The following LZTS3 variants were observed in gnomAD, a reference collection of about 807,000 sequenced individuals.
The protein encoded by LZTS3 is leucine zipper putative tumor suppressor 3.
In LZTS3, 16 loss-of-function variants were observed where a neutral mutation model predicts 50.9. The observed-to-expected ratio is 0.31, with a 90% CI of 0.21 to 0.48. LZTS3 has a LOEUF of 0.48. Ranked by LOEUF, LZTS3 falls within the 20% of genes least tolerant of loss-of-function variation. The pLI is 0.99. For missense variants in LZTS3, 816 were observed against 931.0 expected (o/e 0.88, Z 1.61); for synonymous variants, 408 against 410.6 (o/e 0.99, Z 0.08).
intron 2 of LZTS3, 149 bp from the exon 3 acceptor site, chr20:3,167,330 A>G (rs1171893671): frequency 7.2e-7 from 1 of 1,379,502 alleles, no homozygotes; most frequent in Non-Finnish European, 9.4e-7. Flanking sequence ...AGGTGAAGGA[A>G]TAAGGCTGGG....
chr20:3,167,125 TG>T lies in LZTS3; in HGVS notation c.38del (p.Pro13GlnfsTer40). ...KLETLPVRAD[P>X]GRDPLLAFAP... is the part of the protein sequence containing the mutation. ...CAAAGGCCAGGAGAGGATCCCGCCC[TG>T]GGTCAGCGCGCACAGGCAGCGTCTC... On this transcript the variant is annotated frameshift_variant, in exon 3 of 5. Coordinates refer to ENST00000337576, the MANE Select transcript of LZTS3 (RefSeq NM_001365618.1). LOFTEE classifies it high-confidence loss of function. 1 of 1,503,862 alleles carries T rather than the reference TG, an allele frequency of 6.6e-7. No individual in the cohort carries two copies. The allele number at this position is 1,503,862 out of a possible 1,614,324, so 93.2% of individuals were successfully genotyped here.
intron 1 of LZTS3, 98 bp downstream of exon 1, chr20:3,173,357 T>A (rs975055276): frequency 6.6e-6 from 1 of 152,214 alleles, no homozygotes; most frequent in Non-Finnish European, 1.5e-5. Context: ...ACGCGCCCCC[T>A]ACCCAGTCCG....
Position 3,167,126 on chromosome 20 carries a change from G to T in LZTS3, c.38C>A (p.Pro13Gln). ...AAAGGCCAGGAGAGGATCCCGCCCTGGGTCAGCGCGCACAGGCAGCGTCTC... is the reference window on the plus strand; with the variant it reads ...AAAGGCCAGGAGAGGATCCCGCCCTTGGTCAGCGCGCACAGGCAGCGTCTC... ...KLETLPVRAD[P>Q]GRDPLLAFAP... The change falls in exon 3 of 5, where the codon CCA becomes CAA. Residue 13 changes from proline (P) to glutamine (Q), a missense_variant. Physicochemically the swap from Pro to Gln is moderately conservative, Grantham distance 76 (BLOSUM62 -1). Around this residue, in one of 3 missense-constraint regions of LZTS3, gnomAD observed 700 missense variants for 769.4 expected, o/e 0.91. Transcript: ENST00000337576. 1 of 1,502,542 alleles carries T rather than the reference G, an allele frequency of 6.7e-7. No homozygotes were observed. 93.1% of individuals were successfully genotyped at this position (1,502,542 alleles called of 1,614,324 possible). A position where few individuals can be genotyped will look rare whatever the true frequency, so the allele number is the denominator to read the frequency against.
rs1198388427 is a variant in LZTS3 at position 3,164,370 on chromosome 20, G to A, written c.*84C>T. ...TTGGTCTGGGGTTATGGGGTCTATG[G>A]GGAAGAGAGATGGAGGGGAGGGGAC... On this transcript the variant is annotated 3_prime_UTR_variant, in exon 5 of 5. Coordinates refer to ENST00000337576, the MANE Select transcript of LZTS3 (RefSeq NM_001365618.1). 3.8e-5 allele frequency: 54 copies of A among 1,405,214 alleles called. No individual in the cohort carries two copies. Among genetic ancestry groups the A allele is most frequent in the Non-Finnish European group, 5.0e-5 (53 of 1,051,182 alleles). The allele number at this position is 1,405,214 out of a possible 1,614,324, so 87.0% of individuals were successfully genotyped here. A position where few individuals can be genotyped will look rare whatever the true frequency, so the allele number is the denominator to read the frequency against.
chr20:3,171,608 T>C (rs376716699), intron 1 of LZTS3, among the ~76,000 whole-genome samples: 1 of 145,042 alleles, frequency 6.9e-6, no homozygotes, highest in South Asian at 2.1e-4. Flanking sequence ...GAGGTTGCAG[T>C]GATATTGCGC....
chr20:3,164,897 C>T lies in LZTS3; in HGVS notation c.1579G>A (p.Ala527Thr), dbSNP rs1288316361. The change falls in exon 5 of 5, where the codon GCC (alanine) becomes ACC (threonine). Residue 527 changes from alanine (A) to threonine (T), a missense_variant. Physicochemically the swap from Ala to Thr is moderately conservative, Grantham distance 58. This residue lies in a region of LZTS3 where 700 missense variants were observed against 769.4 expected (regional missense o/e 0.91). Coordinates refer to ENST00000337576, the MANE Select transcript of LZTS3 (RefSeq NM_001365618.1). The part of the protein sequence containing the change: ...LKPALTPVDP[A>T]EPQDALATCE... The stretch of plus-strand genomic sequence containing the variant: ...GTGGCCAGAGCATCCTGTGGCTCGG[C>T]CGGGTCCACGGGGGTCAGCGCCGGC... 3.2e-6 allele frequency: 5 copies of T among 1,551,486 alleles called. No individual in the cohort carries two copies. The highest frequency in any genetic ancestry group is 2.6e-6 in the Non-Finnish European group (3 of 1,155,020).
At position 3,165,465 on chromosome 20, in the gene LZTS3, G is replaced by A. The variant is rs920158151; in HGVS notation, c.1323+32C>T. 1.3e-6 allele frequency: 2 copies of A among 1,509,056 alleles called. No homozygotes were observed. The highest frequency in any genetic ancestry group is 2.1e-5 in the Admixed American group (1 of 47,396). 93.5% of individuals were successfully genotyped at this position (1,509,056 alleles called of 1,614,324 possible). Reference sequence around the variant, plus strand: ...GGTTTCCCAGAGGGACAGAAGGGAGGCAGAGGGGAGGCCCAGATCCCCAGC... The same window carrying A: ...GGTTTCCCAGAGGGACAGAAGGGAGACAGAGGGGAGGCCCAGATCCCCAGC... On this transcript the variant is annotated intron_variant, in intron 4 of 4. Transcript: ENST00000337576. The surrounding 1 kb of genome is among the most constrained non-coding windows in gnomAD (Gnocchi z 5.0).
intron 1 of LZTS3, among the ~76,000 whole-genome samples, chr20:3,169,879 TAAA>T (rs34415260): frequency 0.14 from 8,978 of 62,512 alleles, 646 homozygotes; most frequent in Non-Finnish European, 0.19. Context: ...ACTCTTTCCT[TAAA>T]AAAAAAAAAA....
At chr20:3,172,634 C>A (rs967962286) in intron 1 of LZTS3, among the ~76,000 whole-genome samples, 4 of 152,200 alleles carry the variant, frequency 2.6e-5, no homozygotes, top group African/African-American at 7.2e-5. Flanking sequence ...CTGAGGCCTC[C>A]CCAGGGCTGG....
chr20:3,171,683 C>T (rs938511509), intron 1 of LZTS3, among the ~76,000 whole-genome samples: 4 of 149,462 alleles, frequency 2.7e-5, no homozygotes, highest in Non-Finnish European at 5.9e-5. Flanking sequence ...AAAAAAAAAT[C>T]CCAGCAGGAC....
intron 1 of LZTS3, among the ~76,000 whole-genome samples, chr20:3,173,194 G>A (rs2066920345): frequency 1.3e-5 from 2 of 152,150 alleles, no homozygotes; most frequent in South Asian, 2.1e-4. Context: ...CCACCAACGC[G>A]TGTGGCCCCG....
intron 1 of LZTS3, among the ~76,000 whole-genome samples, chr20:3,170,448 C>T (rs1328123236): frequency 7.1e-6 from 1 of 140,558 alleles, no homozygotes; most frequent in African/African-American, 2.7e-5. Context: ...GAGATCATGC[C>T]ACTGCACTCC....
intron 3 of LZTS3, 143 bp from the exon 4 acceptor site, chr20:3,166,503 C>T: frequency 8.2e-7 from 1 of 1,215,978 alleles, no homozygotes; most frequent in Non-Finnish European, 1.1e-6. Context: ...CGGGGTTCTA[C>T]CTCATGGCTC....
At chr20:3,168,049 G>A (rs1372930988) in intron 1 of LZTS3, 88 bp from the exon 2 acceptor site, 2 of 146,120 alleles carry the variant, frequency 1.4e-5, no homozygotes, top group Admixed American at 6.8e-5. Context: ...GGAAACGGGG[G>A]TCTGGGGGAG....
In LZTS3 at chr20:3,164,238, TTCCC is replaced by T; in HGVS notation, c.*212_*215del. ...CCCCACTCACCCTGCCCTCCTCCTA[TTCCC>T]TCCTTTTAGGGGGGTCCAAGTGGGC... is the stretch of plus-strand genomic sequence containing the variant. On this transcript the variant is annotated 3_prime_UTR_variant, in exon 5 of 5. Coordinates refer to ENST00000337576, the MANE Select transcript of LZTS3 (RefSeq NM_001365618.1). The T allele has an allele frequency of 2.1e-6, 1 of 467,496 alleles. No individual in the cohort carries two copies. Among genetic ancestry groups the T allele is most frequent in the East Asian group, 3.5e-5 (1 of 28,224 alleles). The allele number at this position is 467,496 out of a possible 1,614,324, so 29.0% of individuals were successfully genotyped here.
chr20:3,168,228 G>C (rs2122189391), intron 1 of LZTS3: 1 of 152,280 alleles, frequency 6.6e-6, no homozygotes, highest in African/African-American at 2.4e-5. Context: ...CCCCCTTCCC[G>C]GGATCAGTCC....
Position 3,166,311 on chromosome 20 carries a change from T to C in LZTS3, c.509A>G (p.Lys170Arg), listed in dbSNP as rs2066819249. The C allele has an allele frequency of 2.5e-6, 4 of 1,613,870 alleles. No homozygotes were observed. Among genetic ancestry groups the C allele is most frequent in the Admixed American group, 1.7e-5 (1 of 59,988 alleles). The change falls in exon 4 of 5, where the codon AAG becomes AGG. Residue 170 changes from lysine (K) to arginine (R), a missense_variant. This residue lies in a region of LZTS3 where 700 missense variants were observed against 769.4 expected (regional missense o/e 0.91). Coordinates refer to ENST00000337576, the MANE Select transcript of LZTS3 (RefSeq NM_001365618.1). ...CAAATTCTGCATGGAGTGGAAATTC[T>C]TGGGTACGACAGGCTTGAAGGCCGA... The part of the protein sequence containing the change: ...RPSAFKPVVP[K>R]NFHSMQNLCP...
intron 1 of LZTS3, among the ~76,000 whole-genome samples, chr20:3,170,887 G>A (rs981773268): frequency 3.9e-5 from 6 of 152,330 alleles, no homozygotes; most frequent in Middle Eastern, 3.4e-3. Flanking sequence ...CAGAGTTCCT[G>A]CTAAAAGAGA....
At chr20:3,170,569 TC>T (rs2066892340) in intron 1 of LZTS3, among the ~76,000 whole-genome samples, 1 of 146,306 alleles carries the variant, frequency 6.8e-6, no homozygotes, top group South Asian at 2.2e-4. Context: ...GACAGGTGGA[TC>T]CCCTAAGATC....
Sources: allele counts gnomAD v4.1 joint callset (sites outside exome capture counted in the v4.1 genomes callset), GRCh38; gene constraint gnomAD v4.1.1; regional missense constraint gnomAD v4.1.1; non-coding constraint Gnocchi (gnomAD v3.1); transcripts MANE v1.5; gene names NCBI Gene and HGNC (gene_info 2026-07-23, HGNC 2026-07-21).